OTOG: variants seen among roughly 807,000 people sequenced by gnomAD.
OTOG encodes the protein otogelin.
In OTOG, 296 loss-of-function variants were observed where a neutral mutation model predicts 313.8. The ratio of observed to expected loss-of-function variants is 0.94; its 90% CI spans 0.86 to 1.04. The LOEUF (loss-of-function observed/expected upper bound fraction) is 1.04. OTOG is among the 50% of genes least tolerant of loss of function. The pLI is 0.00. For synonymous variants in OTOG, 1,533 were observed against 1,554.9 expected, an observed-to-expected ratio of 0.99 and a Z score of 0.33; for missense variants, 3,948 against 3,840.1, an observed-to-expected ratio of 1.03 and a Z score of -0.74.
rs745878487 is a variant in OTOG at position 17,628,702 on chromosome 11, A to G, written c.6529-431A>G. Among the ~76,000 whole-genome samples, 12 of 152,262 alleles carry G rather than the reference A, an allele frequency of 7.9e-5. 1 individual carries two copies. Among genetic ancestry groups the G allele is most frequent in the Non-Finnish European group, 1.8e-4 (12 of 68,052 alleles). Reference sequence around the variant, plus strand: ...GCCAGCACAGAGATGAGGAAAGCCCAGAGCAGGGGTATGTAGCCCCAAGGC... The same window carrying G: ...GCCAGCACAGAGATGAGGAAAGCCCGGAGCAGGGGTATGTAGCCCCAAGGC... On this transcript the variant is annotated intron_variant, in intron 39 of 55. Transcript: ENST00000399397.
At chr11:17,639,847 T>C (rs575326595) in intron 49 of OTOG, among the ~76,000 whole-genome samples, 24 of 147,964 alleles carry the variant, frequency 1.6e-4, no homozygotes, top group African/African-American at 5.6e-4. Context: ...ATGATGGTGG[T>C]GGTGATGGTG....
intron 20 of OTOG, among the ~76,000 whole-genome samples, chr11:17,575,442 C>A (rs929996025): frequency 6.6e-6 from 1 of 152,038 alleles, no homozygotes; most frequent in Non-Finnish European, 1.5e-5. Context: ...AGCCTTTCTG[C>A]GGAGGTGAGG....
intron 30 of OTOG, among the ~76,000 whole-genome samples, chr11:17,597,216 T>TAG (rs1295686014): frequency 6.6e-6 from 1 of 152,174 alleles, no homozygotes; most frequent in East Asian, 1.9e-4. Flanking sequence ...AGAAACAGCC[T>TAG]AGAGAGAGAG....
chr11:17,584,868 C>T (rs1012977627), intron 23 of OTOG, among the ~76,000 whole-genome samples: 2 of 152,110 alleles, frequency 1.3e-5, no homozygotes, highest in Non-Finnish European at 1.5e-5. Context: ...TGATATTTTC[C>T]CTTTATTTTA....
intron 31 of OTOG, 87 bp downstream of exon 31, chr11:17,599,784 G>C (rs538771300): frequency 6.9e-7 from 1 of 1,453,920 alleles, no homozygotes; most frequent in Non-Finnish European, 9.4e-7. Flanking sequence ...CCATCCCGAG[G>C]CGCTGCTGGC....
chr11:17,587,366 G>C (rs1175007212), intron 24 of OTOG, among the ~76,000 whole-genome samples: 1 of 152,226 alleles, frequency 6.6e-6, no homozygotes. Context: ...GGGGGACGGG[G>C]TGAGGAACGA....
intron 23 of OTOG, among the ~76,000 whole-genome samples, chr11:17,582,723 T>C (rs61268218): frequency 0.047 from 7,125 of 152,318 alleles, 491 homozygotes; most frequent in African/African-American, 0.14. Flanking sequence ...CTGTGAGTAA[T>C]TTTTCATATA....
chr11:17,608,173 C>T (rs1853434946), intron 33 of OTOG, 123 bp from the exon 34 acceptor site: 1 of 638,248 alleles, frequency 1.6e-6, no homozygotes, highest in Non-Finnish European at 2.6e-6. Flanking sequence ...TGGTTTTTTC[C>T]CCATTTGCTT....
chr11:17,591,522 G>A lies in OTOG; in HGVS notation c.2940G>A (p.Arg980=), dbSNP rs1374855538. 4.5e-6 allele frequency: 7 copies of A among 1,550,552 alleles called. No individual in the cohort carries two copies. In the South Asian group the frequency reaches 4.8e-5, roughly 11 times the overall value. ...CCACCTGCACTGCCTATGGGGACCG[G>A]CATTACCGCACGTTTGATGGGCTCC... ...CASTCTAYGD[R]HYRTFDGLPF... Residue 980 remains arginine (R), a synonymous_variant, in exon 25 of 56, where the codon CGG becomes CGA. Transcript: ENST00000399397.
chr11:17,596,057 C>T lies in OTOG; in HGVS notation c.3428C>T (p.Pro1143Leu). The change falls in exon 29 of 56, where the codon CCT becomes CTT. Residue 1143 changes from proline to leucine, a missense_variant. By Grantham distance (98) the Pro-to-Leu change is moderately conservative (BLOSUM62 -3). Transcript: ENST00000399397. ...CCTCAGTGCCCAGACACCCTCGATC[C>T]TCGGGATATGTGTGTCCTGAATCCT... ...AAVECPDTLD[P>L]RDMCVLNPLR... 6.4e-7 allele frequency: 1 copy of T among 1,550,852 alleles called. No individual in the cohort carries two copies. The highest frequency in any genetic ancestry group is 1.2e-5 in the South Asian group (1 of 84,036).
At chr11:17,635,464 C>A in intron 46 of OTOG, 146 bp from the exon 47 acceptor site, 1 of 676,276 alleles carries the variant, frequency 1.5e-6, no homozygotes, top group Non-Finnish European at 2.6e-6. Context: ...GATTCCAGAA[C>A]GGATCACGTG....
intron 39 of OTOG, among the ~76,000 whole-genome samples, chr11:17,627,430 C>T (rs903262008): frequency 1.3e-5 from 2 of 151,930 alleles, no homozygotes; most frequent in Non-Finnish European, 2.9e-5. Context: ...CTTTGATTTG[C>T]GTATGTTGAA....
intron 39 of OTOG, among the ~76,000 whole-genome samples, chr11:17,615,925 T>C (rs145934573): frequency 0.019 from 2,937 of 151,596 alleles, 45 homozygotes; most frequent in Middle Eastern, 0.054. Context: ...TGAAACTGTC[T>C]CAAAAAAAAA....
intron 39 of OTOG, among the ~76,000 whole-genome samples, chr11:17,615,328 C>T (rs943270719): frequency 6.6e-5 from 10 of 152,138 alleles, no homozygotes; most frequent in African/African-American, 1.9e-4. Flanking sequence ...TAGTGTCTTT[C>T]GAAAGACAGA....
Position 17,573,114 on chromosome 11 carries a change from G to C in OTOG, c.2117G>C (p.Gly706Ala). 6.5e-7 allele frequency: 1 copy of C among 1,548,176 alleles called. No individual in the cohort carries two copies. Among genetic ancestry groups the C allele is most frequent in the South Asian group, 1.2e-5 (1 of 84,050 alleles). ...YSVQACSVLT[G>A]EMFAPCSAFL... ...GTGCAGGCCTGCAGCGTGCTCACGG[G>C]GGAGATGTTTGCGCCCTGCTCTGCG... is the stretch of plus-strand genomic sequence containing the variant. Residue 706 changes from glycine (G) to alanine (A), a missense_variant, in exon 19 of 56, where the codon GGG becomes GCG. By Grantham distance (60) the Gly-to-Ala change is moderately conservative (BLOSUM62 0). Transcript: ENST00000399397.
At chr11:17,568,199 A>T (rs149334477) in intron 15 of OTOG, among the ~76,000 whole-genome samples, 1 of 152,108 alleles carries the variant, frequency 6.6e-6, no homozygotes, top group East Asian at 1.9e-4. Context: ...GAGCCACCGC[A>T]CCCGGCCAGT....
rs1003490 is a variant in OTOG at position 17,610,759 on chromosome 11, C to G, written c.5459C>G (p.Ala1820Gly). The change falls in exon 36 of 56, where the codon GCC (alanine) becomes GGC (glycine). Residue 1820 changes from alanine (A) to glycine (G), a missense_variant. Ala to Gly is a moderately conservative substitution (Grantham distance 60). Coordinates refer to ENST00000399397, the MANE Select transcript of OTOG (RefSeq NM_001292063.2). Reference protein sequence around the residue: ...LAKVGTSAPVATPGPKASVIT... With the variant: ...LAKVGTSAPVGTPGPKASVIT... ...AAGGTGGGCACATCTGCCCCAGTGG[C>G]CACACCCGGCCCCAAAGCCTCTGTC... The G allele has an allele frequency of 1.8e-3, 2,783 of 1,549,914 alleles. 39 individuals are homozygous for G. In the African/African-American group the frequency reaches 0.034, roughly 19 times the overall value.
chr11:17,613,219 C>CTTTCT (rs2134097882), intron 38 of OTOG, among the ~76,000 whole-genome samples: 1 of 129,804 alleles, frequency 7.7e-6, no homozygotes, highest in East Asian at 2.4e-4. Context: ...TTCTTTCTTT[C>CTTTCT]TTTCTTTCTT....
chr11:17,638,359 G>T (rs1008995075), intron 47 of OTOG, 92 bp from the exon 48 acceptor site: 3 of 1,087,226 alleles, frequency 2.8e-6, no homozygotes, highest in Admixed American at 2.4e-5. Flanking sequence ...AGGAGCTGGG[G>T]GTAGCCTCTC....
Sources: allele counts gnomAD v4.1 joint callset (sites outside exome capture counted in the v4.1 genomes callset), GRCh38; gene constraint gnomAD v4.1.1; transcripts MANE v1.5; gene names NCBI Gene and HGNC (gene_info 2026-07-23, HGNC 2026-07-21).